The following RUNX1 variants were observed in gnomAD, a reference collection of about 807,000 sequenced individuals.
RUNX1 encodes runt-related transcription factor 1.
Under a neutral mutation model 42.8 loss-of-function variants are expected in RUNX1, and 19 were observed. That is an observed-to-expected ratio of 0.44 (90% CI 0.31 to 0.65). RUNX1 has a LOEUF of 0.65. Ranked by LOEUF, RUNX1 falls within the 30% of genes least tolerant of loss-of-function variation. The pLI, the probability that RUNX1 is intolerant of heterozygous loss-of-function variation, is 0.07. For synonymous variants in RUNX1, 271 were observed against 289.4 expected (o/e 0.94, Z 0.64); for missense variants, 528 against 672.0 (o/e 0.79, Z 2.37).
intron 2 of RUNX1, among the ~76,000 whole-genome samples, chr21:34,964,049 G>A (rs1271812449): frequency 6.6e-6 from 1 of 152,228 alleles, no homozygotes; most frequent in Non-Finnish European, 1.5e-5. Flanking sequence ...TGATGAGGGA[G>A]AGGAAGTATC....
chr21:34,952,806 G>A (rs1466045882), intron 2 of RUNX1, among the ~76,000 whole-genome samples: 1 of 152,144 alleles, frequency 6.6e-6, no homozygotes, highest in Non-Finnish European at 1.5e-5. Context: ...GTGTTAGGCA[G>A]GTCTTTTGTT....
chr21:34,842,961 G>C (rs912797808), intron 6 of RUNX1, among the ~76,000 whole-genome samples: 1 of 152,022 alleles, frequency 6.6e-6, no homozygotes, highest in Non-Finnish European at 1.5e-5. Context: ...CCAGTTACAA[G>C]TAAGTGGCTG....
At chr21:34,866,157 G>T (rs1050538134) in intron 5 of RUNX1, among the ~76,000 whole-genome samples, 1 of 152,204 alleles carries the variant, frequency 6.6e-6, no homozygotes, top group African/African-American at 2.4e-5. Context: ...GTCACGCAAA[G>T]GAAGGCTGCA....
chr21:34,799,651 C>T (rs2056581433), intron 7 of RUNX1, among the ~76,000 whole-genome samples, 189 bp from the exon 8 acceptor site: 1 of 152,152 alleles, frequency 6.6e-6, no homozygotes, highest in Admixed American at 6.5e-5. Flanking sequence ...CCAAAAGAGA[C>T]TGATTCTTGG....
chr21:35,019,303 G>A (rs980113597), intron 2 of RUNX1, among the ~76,000 whole-genome samples: 4 of 152,054 alleles, frequency 2.6e-5, no homozygotes, highest in Admixed American at 1.3e-4. Flanking sequence ...GTAATGGCTC[G>A]AGACACCTTC....
intron 2 of RUNX1, among the ~76,000 whole-genome samples, chr21:34,914,773 C>T (rs1345341080): frequency 2.6e-5 from 4 of 152,230 alleles, no homozygotes; most frequent in Non-Finnish European, 5.9e-5. Flanking sequence ...CTGCACTTCA[C>T]AGCCCCATTC....
intron 2 of RUNX1, among the ~76,000 whole-genome samples, chr21:34,944,135 A>G (rs920395907): frequency 6.6e-6 from 1 of 152,132 alleles, no homozygotes; most frequent in Non-Finnish European, 1.5e-5. Flanking sequence ...CAGCCTCTCA[A>G]GTACCTGGGA....
chr21:35,038,881 G>A, intron 2 of RUNX1: 1 of 371,352 alleles, frequency 2.7e-6, no homozygotes, highest in Non-Finnish European at 5.4e-6. Context: ...CTGTTGTGGT[G>A]GTTCAAATTT....
intron 2 of RUNX1, among the ~76,000 whole-genome samples, chr21:35,014,649 T>G (rs1438104661): frequency 6.6e-6 from 1 of 152,220 alleles, no homozygotes; most frequent in Non-Finnish European, 1.5e-5. Context: ...CCCCATAGTT[T>G]TTACAATGTG....
At chr21:35,032,497 A>G (rs745352690) in intron 2 of RUNX1, among the ~76,000 whole-genome samples, 1 of 152,228 alleles carries the variant, frequency 6.6e-6, no homozygotes, top group Non-Finnish European at 1.5e-5. Flanking sequence ...CCAATGGGAA[A>G]CGGACCAGAC....
chr21:34,944,136 G>A (rs2058547907), intron 2 of RUNX1, among the ~76,000 whole-genome samples: 1 of 152,094 alleles, frequency 6.6e-6, no homozygotes, highest in African/African-American at 2.4e-5. Context: ...AGCCTCTCAA[G>A]TACCTGGGAC....
chr21:34,968,735 G>A (rs758634113), intron 2 of RUNX1, among the ~76,000 whole-genome samples: 7 of 152,104 alleles, frequency 4.6e-5, no homozygotes, highest in Admixed American at 2.6e-4. Context: ...ACTACTGTGA[G>A]CAGGTGGTCT....
intron 8 of RUNX1, among the ~76,000 whole-genome samples, chr21:34,794,554 A>G (rs1233066555): frequency 6.6e-6 from 1 of 152,242 alleles, no homozygotes; most frequent in Non-Finnish European, 1.5e-5. Context: ...TTTGTCTCTA[A>G]AACTCACTTT....
chr21:34,822,619 G>A (rs900009675), intron 7 of RUNX1, among the ~76,000 whole-genome samples: 1 of 152,142 alleles, frequency 6.6e-6, no homozygotes, highest in Admixed American at 6.5e-5. Flanking sequence ...CCACATAGCG[G>A]GTGATTTACA....
At chr21:34,833,999 C>T in intron 7 of RUNX1, 1 of 349,838 alleles carries the variant, frequency 2.9e-6, no homozygotes, top group Non-Finnish European at 5.6e-6. Flanking sequence ...TTGAAACATC[C>T]CATCTTCACT....
At chr21:34,916,554 A>C (rs2058313713) in intron 2 of RUNX1, among the ~76,000 whole-genome samples, 1 of 152,198 alleles carries the variant, frequency 6.6e-6, no homozygotes, top group Non-Finnish European at 1.5e-5. Context: ...AAGGGGGAGA[A>C]ATGAGTTCCA....
intron 2 of RUNX1, among the ~76,000 whole-genome samples, chr21:35,022,076 A>C (rs1169747033): frequency 6.6e-6 from 1 of 152,236 alleles, no homozygotes; most frequent in Non-Finnish European, 1.5e-5. Flanking sequence ...CTTCAGAAGC[A>C]GTTTGCTGGG....
At chr21:34,829,037 A>C (rs1260410050) in intron 7 of RUNX1, among the ~76,000 whole-genome samples, 4 of 152,150 alleles carry the variant, frequency 2.6e-5, no homozygotes, top group Non-Finnish European at 5.9e-5. Context: ...CTGCTAGTAT[A>C]ATTATTACTC....
intron 2 of RUNX1, among the ~76,000 whole-genome samples, chr21:35,024,799 T>C (rs1390939930): frequency 6.6e-6 from 1 of 152,244 alleles, no homozygotes; most frequent in Non-Finnish European, 1.5e-5. Flanking sequence ...GATGATGAAA[T>C]TCTCAGCATC....
Sources: gnomAD v4.1 joint callset for allele counts (sites outside exome capture counted in the v4.1 genomes callset) on GRCh38, gnomAD v4.1.1 for gene constraint, MANE v1.5 for transcripts, NCBI Gene and HGNC (gene_info 2026-07-23, HGNC 2026-07-21) for gene names.